Variants in ERC2 observed in about 807,000 individuals in gnomAD.
ERC2 encodes the protein ELKS/RAB6-interacting/CAST family member 2, also known as ERC protein 2.
A neutral mutation model predicts 114.8 loss-of-function variants in ERC2; 42 were observed. That is an observed-to-expected ratio of 0.37 (90% CI 0.29 to 0.47). ERC2 has a LOEUF of 0.47. ERC2 is among the 20% of genes least tolerant of loss of function. ERC2 has a pLI of 0.99. For synonymous variants in ERC2, 454 were observed against 425.5 expected, an observed-to-expected ratio of 1.07 and a Z score of -0.82; for missense variants, 939 against 1,150.7, an observed-to-expected ratio of 0.82 and a Z score of 2.66.
intron 2 of ERC2, among the ~76,000 whole-genome samples, chr3:56,410,118 G>T (rs1371643249): frequency 6.6e-6 from 1 of 152,142 alleles, no homozygotes; most frequent in Non-Finnish European, 1.5e-5. Flanking sequence ...CTTTTTCAGT[G>T]TCTAAGTATT....
chr3:55,517,916 T>C (rs377056187), intron 17 of ERC2, among the ~76,000 whole-genome samples: 11 of 152,364 alleles, frequency 7.2e-5, no homozygotes, highest in South Asian at 6.2e-4. Flanking sequence ...CTCAAAAGAA[T>C]ACCTTCTTTA....
chr3:55,616,095 G>A (rs1229453101), intron 17 of ERC2, among the ~76,000 whole-genome samples: 2 of 152,180 alleles, frequency 1.3e-5, no homozygotes, highest in Admixed American at 1.3e-4. Context: ...CTTATAGGAT[G>A]TCCTTAATCA....
At chr3:56,047,344 G>A (rs182388897) in intron 7 of ERC2, among the ~76,000 whole-genome samples, 1 of 152,340 alleles carries the variant, frequency 6.6e-6, no homozygotes, top group Admixed American at 6.5e-5. Flanking sequence ...TTTGGGGTAA[G>A]TGATGCAAAT....
At chr3:56,089,698 T>C (rs1226804159) in intron 6 of ERC2, among the ~76,000 whole-genome samples, 2 of 152,164 alleles carry the variant, frequency 1.3e-5, no homozygotes, top group Non-Finnish European at 2.9e-5. Context: ...CTATGACTCC[T>C]GTAAGCCCAA....
chr3:56,004,504 C>G (rs1315820585), intron 10 of ERC2, among the ~76,000 whole-genome samples: 2 of 151,980 alleles, frequency 1.3e-5, no homozygotes, highest in African/African-American at 4.8e-5. Context: ...TAAATTAACA[C>G]AGTATAATAA....
chr3:56,016,191 G>A (rs577933283), intron 8 of ERC2, among the ~76,000 whole-genome samples: 4 of 152,168 alleles, frequency 2.6e-5, no homozygotes, highest in Admixed American at 2.6e-4. Context: ...CTTTTGCTGT[G>A]CAAAAGCTCT....
At chr3:55,743,925 G>A (rs2066142990) in intron 14 of ERC2, among the ~76,000 whole-genome samples, 1 of 152,130 alleles carries the variant, frequency 6.6e-6, no homozygotes, top group Non-Finnish European at 1.5e-5. Flanking sequence ...GGAACCGAAG[G>A]CCATTTCACT....
intron 3 of ERC2, among the ~76,000 whole-genome samples, chr3:56,191,208 G>T (rs1223398560): frequency 6.6e-6 from 1 of 152,154 alleles, no homozygotes; most frequent in African/African-American, 2.4e-5. Flanking sequence ...TAGGCAGGCA[G>T]TGGGAGGGAA....
intron 17 of ERC2, among the ~76,000 whole-genome samples, chr3:55,651,491 C>T (rs985352663): frequency 6.6e-6 from 1 of 152,076 alleles, no homozygotes; most frequent in African/African-American, 2.4e-5. Flanking sequence ...TTGTGTAAGC[C>T]CCACATCCTG....
intron 7 of ERC2, among the ~76,000 whole-genome samples, chr3:56,057,502 T>C (rs958599868): frequency 6.6e-6 from 1 of 152,342 alleles, no homozygotes; most frequent in African/African-American, 2.4e-5. Context: ...CCCAGCTGAC[T>C]GGGTTGTGTT....
At chr3:55,664,849 C>A (rs548214149) in intron 17 of ERC2, among the ~76,000 whole-genome samples, 132 of 152,256 alleles carry the variant, frequency 8.7e-4, no homozygotes, top group Non-Finnish European at 1.5e-3. Context: ...ACGCAGGGAG[C>A]TTTTGAAAAC....
chr3:56,378,322 T>A (rs6801010), intron 2 of ERC2, among the ~76,000 whole-genome samples: 1 of 140,220 alleles, frequency 7.1e-6, no homozygotes, highest in African/African-American at 2.7e-5. Context: ...ATTGCAAGAA[T>A]AAAAAACCAA....
chr3:56,303,063 A>T (rs1366889258), intron 2 of ERC2, among the ~76,000 whole-genome samples: 1 of 152,198 alleles, frequency 6.6e-6, no homozygotes, highest in Non-Finnish European at 1.5e-5. Context: ...TGTTTCTGGG[A>T]TCATTCTCCA....
chr3:56,430,854 C>G (rs1036912335), intron 2 of ERC2, among the ~76,000 whole-genome samples: 1 of 152,076 alleles, frequency 6.6e-6, no homozygotes, highest in African/African-American at 2.4e-5. Flanking sequence ...GTCATTTTTT[C>G]ATCTAGCATG....
Position 56,139,545 on chromosome 3 carries a change from A to C in ERC2, c.1437T>G (p.Thr479=), listed in dbSNP as rs758111220. The C allele has an allele frequency of 6.2e-7, 1 of 1,613,998 alleles. No homozygotes were observed. Among genetic ancestry groups the C allele is most frequent in the Non-Finnish European group, 8.5e-7 (1 of 1,179,930 alleles). ...GGATGGCAGCCCTCTGTTCTTTGGCAGTAAGTGACTCTTTGAGCACTTCAA... is the reference window on the plus strand; with the variant it reads ...GGATGGCAGCCCTCTGTTCTTTGGCCGTAAGTGACTCTTTGAGCACTTCAA... The part of the protein sequence containing the change: ...QHIEVLKESL[T]AKEQRAAILQ... The change falls in exon 6 of 18, where the codon ACT becomes ACG. Residue 479 remains threonine (T), a synonymous_variant. Coordinates refer to ENST00000288221, the MANE Select transcript of ERC2 (RefSeq NM_015576.3).
intron 14 of ERC2, among the ~76,000 whole-genome samples, chr3:55,756,001 G>A (rs9849285): frequency 1.2e-4 from 18 of 151,926 alleles, no homozygotes; most frequent in African/African-American, 3.9e-4. Context: ...ATCTAAACTC[G>A]GGGCCAGACA....
intron 2 of ERC2, among the ~76,000 whole-genome samples, chr3:56,344,796 T>C (rs906291097): frequency 6.6e-6 from 1 of 152,166 alleles, no homozygotes; most frequent in African/African-American, 2.4e-5. Context: ...CAGATCACAA[T>C]AGTTTATCTT....
intron 3 of ERC2, among the ~76,000 whole-genome samples, chr3:56,219,094 A>G (rs2049717180): frequency 6.6e-6 from 1 of 152,018 alleles, no homozygotes. Flanking sequence ...TATGTAACAA[A>G]CCTGCAAGTT....
At chr3:56,203,559 T>C (rs1050246431) in intron 3 of ERC2, among the ~76,000 whole-genome samples, 47 of 152,186 alleles carry the variant, frequency 3.1e-4, no homozygotes, top group African/African-American at 1.1e-3. Flanking sequence ...CCAATTAAAA[T>C]GTTCCAGGTA....
Sources: gnomAD v4.1 joint callset for allele counts (sites outside exome capture counted in the v4.1 genomes callset) on GRCh38, gnomAD v4.1.1 for gene constraint, MANE v1.5 for transcripts, NCBI Gene and HGNC (gene_info 2026-07-23, HGNC 2026-07-21) for gene names.